LARS2: variants seen among roughly 807,000 people sequenced by gnomAD.
LARS2 encodes leucine--tRNA ligase, mitochondrial.
A neutral mutation model predicts 116.6 loss-of-function variants in LARS2; 81 were observed. The observed-to-expected ratio is 0.69, with a 90% CI of 0.58 to 0.84. The LOEUF (loss-of-function observed/expected upper bound fraction) is 0.84, where lower values mean the gene tolerates loss of function less well. LARS2 is among the 40% of genes least tolerant of loss of function. The pLI is 0.00. For missense variants in LARS2, 968 were observed against 1,114.5 expected, an observed-to-expected ratio of 0.87 and a Z score of 1.87; for synonymous variants, 396 against 407.2, an observed-to-expected ratio of 0.97 and a Z score of 0.33.
chr3:45,471,040 TAAAAAAAAA>T (rs55749404), intron 8 of LARS2, among the ~76,000 whole-genome samples: 2 of 43,816 alleles, frequency 4.6e-5, no homozygotes, highest in African/African-American at 1.9e-4. Flanking sequence ...ATTACAACAC[TAAAAAAAAA>T]AAAAAAAAAA....
At chr3:45,500,724 T>A in intron 15 of LARS2, 145 bp downstream of exon 15, 3 of 603,570 alleles carry the variant, frequency 5.0e-6, no homozygotes, top group Non-Finnish European at 8.2e-6. Context: ...CCTTAATCAT[T>A]TGAGGTCCAT....
chr3:45,491,382 A>G, intron 12 of LARS2, 135 bp from the exon 13 acceptor site: 1 of 869,792 alleles, frequency 1.1e-6, no homozygotes, highest in South Asian at 1.8e-5. Flanking sequence ...GGGCTCATGA[A>G]AGTTATGACA....
At chr3:45,535,723 A>C (rs1359389531) in intron 20 of LARS2, among the ~76,000 whole-genome samples, 9 of 151,242 alleles carry the variant, frequency 6.0e-5, no homozygotes, top group Non-Finnish European at 1.3e-4. Context: ...GTTACATGAA[A>C]CTACACATGG....
At chr3:45,461,879 A>G (rs2125711775) in intron 8 of LARS2, among the ~76,000 whole-genome samples, 1 of 152,352 alleles carries the variant, frequency 6.6e-6, no homozygotes, top group East Asian at 1.9e-4. Flanking sequence ...TGAAATGGCC[A>G]GGAGATATTT....
At chr3:45,514,834 C>T (rs1205449214) in intron 16 of LARS2, among the ~76,000 whole-genome samples, 1 of 152,218 alleles carries the variant, frequency 6.6e-6, no homozygotes, top group Non-Finnish European at 1.5e-5. Context: ...GCCAGTGGTT[C>T]CCTGAGTCTC....
At position 45,516,135 on chromosome 3, in the gene LARS2, G is replaced by A. The variant is rs767177770; in HGVS notation, c.1903G>A (p.Val635Met). 1.1e-5 allele frequency: 17 copies of A among 1,614,090 alleles called. No individual in the cohort carries two copies. In the East Asian group the frequency reaches 3.3e-4, roughly 32 times the overall value. The part of the protein sequence containing the change: ...VHAKTKEKLE[V>M]TWEKMSKSKH... ...TGCAAAAACGAAAGAGAAGTTAGAG[G>A]TGACGTGGGAGAAGATGAGTAAGTC... Residue 635 changes from valine to methionine, a missense_variant, in exon 17 of 22, where the codon GTG (valine) becomes ATG (methionine). Transcript: ENST00000645846.
intron 6 of LARS2, chr3:45,422,265 T>C (rs1229638229): frequency 6.6e-6 from 1 of 152,216 alleles, no homozygotes; most frequent in African/African-American, 2.4e-5. Flanking sequence ...AGGGTATGTA[T>C]GTGAATGGTC....
In LARS2 at chr3:45,400,384, G is replaced by C; in HGVS notation, c.363+11G>C. On this transcript the variant is annotated intron_variant, in intron 4 of 21. Coordinates refer to ENST00000645846, the MANE Select transcript of LARS2 (RefSeq NM_015340.4). ...ATGAGAGGGATGCAGGTAAGAACAG[G>C]TGCCTGCTGGAGCAGCCCTTGTCTG... 1 of 1,593,728 alleles carries C rather than the reference G, an allele frequency of 6.3e-7. No homozygotes were observed. Among genetic ancestry groups the C allele is most frequent in the Non-Finnish European group, 8.5e-7 (1 of 1,170,138 alleles).
chr3:45,459,011 T>G lies in LARS2; in HGVS notation c.750+125T>G, dbSNP rs1699265011. 13 of 923,608 alleles carry G rather than the reference T, an allele frequency of 1.4e-5. No individual in the cohort carries two copies. The South Asian group carries it at 2.0e-4, about 14-fold the overall frequency. The allele number at this position is 923,608 out of a possible 1,614,324, so 57.2% of individuals were successfully genotyped here. On this transcript the variant is annotated intron_variant, in intron 8 of 21. Coordinates refer to ENST00000645846, the MANE Select transcript of LARS2 (RefSeq NM_015340.4). ...TCTAGGAAGGGCTGGGAGCCATGGA[T>G]GTACAGACAGGAAGCAGCTGAGCCT...
intron 8 of LARS2, among the ~76,000 whole-genome samples, chr3:45,466,920 A>G (rs1553632891): frequency 6.6e-6 from 1 of 152,068 alleles, no homozygotes; most frequent in African/African-American, 2.4e-5. Context: ...TTTCACCTGC[A>G]TTGTTTACCC....
intron 6 of LARS2, among the ~76,000 whole-genome samples, chr3:45,439,776 AC>A (rs750004685): frequency 6.6e-6 from 1 of 152,092 alleles, no homozygotes; most frequent in Non-Finnish European, 1.5e-5. Context: ...TGGTCGGAGT[AC>A]CCTTATAGAA....
Position 45,419,691 on chromosome 3 carries a change from C to G in LARS2, c.478C>G (p.Gln160Glu). The stretch of plus-strand genomic sequence containing the variant: ...CAGTAATATTAAACACATGAGGAAA[C>G]AGCTTGATCGTCTGGGCCTGTGTTT... ...TQSNIKHMRKQLDRLGLCFSW... is the reference protein window; with the variant it reads ...TQSNIKHMRKELDRLGLCFSW... Residue 160 changes from glutamine to glutamate, a missense_variant, in exon 6 of 22, where the codon CAG becomes GAG. Transcript: ENST00000645846. The G allele has an allele frequency of 2.5e-6, 4 of 1,613,926 alleles. No individual in the cohort carries two copies. The highest frequency in any genetic ancestry group is 3.4e-6 in the Non-Finnish European group (4 of 1,179,844).
At chr3:45,485,872 A>AGC in intron 11 of LARS2, 76 bp downstream of exon 11, 1 of 818,878 alleles carries the variant, frequency 1.2e-6, no homozygotes, top group Non-Finnish European at 2.0e-6. Flanking sequence ...TGTTGCTGTC[A>AGC]TCTGGAAGAG....
At chr3:45,410,088 G>A (rs1253824102) in intron 4 of LARS2, among the ~76,000 whole-genome samples, 1 of 152,196 alleles carries the variant, frequency 6.6e-6, no homozygotes, top group African/African-American at 2.4e-5. Context: ...TTAATAGGCA[G>A]AAACATTGAA....
chr3:45,421,693 A>T (rs1364876088), intron 6 of LARS2: 1 of 152,258 alleles, frequency 6.6e-6, no homozygotes, highest in Non-Finnish European at 1.5e-5. Context: ...ATCTCAGTGC[A>T]GATGATCCTG....
At position 45,485,607 on chromosome 3, in the gene LARS2, C is replaced by G. The variant is rs7640603; in HGVS notation, c.1019-85C>G. On this transcript the variant is annotated intron_variant, in intron 10 of 21. Transcript: ENST00000645846. ...GAAAGCACAGAAGTTCTAGTGCTTACTTTTCTCACTTGTTTCCTCTGAGAT... is the reference window on the plus strand; with the variant it reads ...GAAAGCACAGAAGTTCTAGTGCTTAGTTTTCTCACTTGTTTCCTCTGAGAT... The G allele has an allele frequency of 0.96, 701,921 of 730,388 alleles. 341,504 individuals carry two copies. The highest frequency in any genetic ancestry group is 1 in the East Asian group (37,746 of 37,754). 45.2% of individuals were successfully genotyped at this position (730,388 alleles called of 1,614,324 possible).
At chr3:45,406,711 T>G (rs936291090) in intron 4 of LARS2, among the ~76,000 whole-genome samples, 1 of 152,190 alleles carries the variant, frequency 6.6e-6, no homozygotes, top group Admixed American at 6.5e-5. Flanking sequence ...AATTTTCAAG[T>G]GTAACCCAAT....
chr3:45,408,506 C>T (rs1698270862), intron 4 of LARS2, among the ~76,000 whole-genome samples: 1 of 152,226 alleles, frequency 6.6e-6, no homozygotes, highest in Non-Finnish European at 1.5e-5. Flanking sequence ...AGGGCTGACT[C>T]CTGCAGGTCC....
chr3:45,398,593 C>G (rs933189957), intron 3 of LARS2, among the ~76,000 whole-genome samples: 1 of 152,178 alleles, frequency 6.6e-6, no homozygotes, highest in Non-Finnish European at 1.5e-5. Context: ...ACCCAGTTAC[C>G]TGTTGCTCTT....
Sources: allele counts gnomAD v4.1 joint callset (sites outside exome capture counted in the v4.1 genomes callset), GRCh38; gene constraint gnomAD v4.1.1; transcripts MANE v1.5; gene names NCBI Gene and HGNC (gene_info 2026-07-23, HGNC 2026-07-21).